RBFOX1: variants seen among roughly 807,000 people sequenced by gnomAD.
RBFOX1 encodes RNA binding fox-1 homolog 1.
RBFOX1 carries 8 observed loss-of-function variants against 57.7 expected under a neutral mutation model. The ratio of observed to expected loss-of-function variants is 0.14; its 90% CI spans 0.08 to 0.25. The LOEUF is 0.25. RBFOX1 is among the 10% of genes least tolerant of loss of function. The probability of loss-of-function intolerance (pLI) is 1.00; values close to 1 mark genes in which losing one functional copy is unlikely to be tolerated. For missense variants in RBFOX1, 611 were observed against 548.5 expected (o/e 1.11, Z -1.14); for synonymous variants, 326 against 222.4 (o/e 1.47, Z -4.15).
intron 3 of RBFOX1, among the ~76,000 whole-genome samples, chr16:5,699,194 G>A (rs991870790): frequency 6.6e-6 from 1 of 151,910 alleles, no homozygotes; most frequent in African/African-American, 2.4e-5. Context: ...CACCATATTG[G>A]CCAGGCTGGT....
intron 2 of RBFOX1, among the ~76,000 whole-genome samples, chr16:6,547,641 T>A (rs1347710431): frequency 6.6e-6 from 1 of 152,182 alleles, no homozygotes; most frequent in Non-Finnish European, 1.5e-5. Context: ...TACAGACTTC[T>A]AGAAATATAG....
intron 2 of RBFOX1, among the ~76,000 whole-genome samples, chr16:6,398,328 C>G (rs946724880): frequency 3.3e-5 from 5 of 152,118 alleles, no homozygotes; most frequent in Non-Finnish European, 7.3e-5. Context: ...ATCTCATGTC[C>G]TCACATTTAA....
intron 4 of RBFOX1, among the ~76,000 whole-genome samples, chr16:7,392,587 G>A (rs1267896572): frequency 6.6e-6 from 1 of 152,116 alleles, no homozygotes; most frequent in Non-Finnish European, 1.5e-5. Context: ...GTTTGTGATG[G>A]CCCCTCCTTC....
intron 2 of RBFOX1, among the ~76,000 whole-genome samples, chr16:5,529,759 G>T (rs1403942280): frequency 6.6e-6 from 1 of 151,964 alleles, no homozygotes; most frequent in Admixed American, 6.5e-5. Context: ...GTAGAAACGG[G>T]GTTTCACCAT....
At chr16:6,208,778 A>C (rs4786835) in intron 1 of RBFOX1, among the ~76,000 whole-genome samples, 64,137 of 152,010 alleles carry the variant, frequency 0.42, 13,774 homozygotes, top group East Asian at 0.72. Flanking sequence ...CAAACACTGC[A>C]TTCCCTTCCT....
chr16:6,643,102 C>A (rs1319571846), intron 2 of RBFOX1, among the ~76,000 whole-genome samples: 1 of 152,198 alleles, frequency 6.6e-6, no homozygotes, highest in East Asian at 1.9e-4. Context: ...CAAATGATCA[C>A]ATTCCTAGTA....
intron 3 of RBFOX1, among the ~76,000 whole-genome samples, chr16:5,624,827 A>AT (rs890503963): frequency 2.0e-5 from 3 of 152,212 alleles, no homozygotes; most frequent in African/African-American, 7.2e-5. Flanking sequence ...TTATGGCAGG[A>AT]TGGGGGGACA....
chr16:6,477,251 G>A (rs1201953051), intron 2 of RBFOX1, among the ~76,000 whole-genome samples: 2 of 152,134 alleles, frequency 1.3e-5, no homozygotes, highest in African/African-American at 4.8e-5. Context: ...ATATTTCAGT[G>A]TACTTTGCCC....
chr16:6,921,119 C>T lies in RBFOX1; in HGVS notation c.-15-130938C>T, dbSNP rs9921521. Among the ~76,000 whole-genome samples, 1,113 of 152,228 alleles carry T rather than the reference C, an allele frequency of 7.3e-3. 8 individuals carry two copies. The highest frequency in any genetic ancestry group is 0.025 in the African/African-American group (1,033 of 41,542). On this transcript the variant is annotated intron_variant, in intron 3 of 15. Coordinates refer to ENST00000550418, the MANE Select transcript of RBFOX1 (RefSeq NM_018723.4). The stretch of plus-strand genomic sequence containing the variant: ...AGCTTTGTGACCATTGATAAGTTTC[C>T]TAAACTCCCCCAGGCTGCCATCTCT...
chr16:7,597,304 C>T, intron 8 of RBFOX1, 67 bp from the exon 9 acceptor site: 2 of 1,160,846 alleles, frequency 1.7e-6, no homozygotes, highest in Non-Finnish European at 2.5e-6. Context: ...GGTCATAATG[C>T]ATGCAACTAA....
intron 4 of RBFOX1, among the ~76,000 whole-genome samples, chr16:5,978,635 A>C (rs2060113722): frequency 6.6e-6 from 1 of 151,918 alleles, no homozygotes; most frequent in African/African-American, 2.4e-5. Flanking sequence ...TGTTATGTGA[A>C]AAAGACTCAG....
At chr16:6,752,665 C>G (rs1175213352) in intron 3 of RBFOX1, among the ~76,000 whole-genome samples, 1 of 152,182 alleles carries the variant, frequency 6.6e-6, no homozygotes, top group Non-Finnish European at 1.5e-5. Flanking sequence ...CCGGTAATAA[C>G]TCTAACACAC....
At chr16:7,442,826 G>A (rs1166910709) in intron 4 of RBFOX1, among the ~76,000 whole-genome samples, 1 of 152,136 alleles carries the variant, frequency 6.6e-6, no homozygotes, top group Admixed American at 6.5e-5. Flanking sequence ...GTGGCTGGGT[G>A]ATTTGTTTTT....
chr16:7,373,387 A>G (rs1305292965), intron 4 of RBFOX1, among the ~76,000 whole-genome samples: 1 of 152,206 alleles, frequency 6.6e-6, no homozygotes, highest in Non-Finnish European at 1.5e-5. Context: ...TAAGAGGCAC[A>G]GTGATCCTGA....
intron 3 of RBFOX1, among the ~76,000 whole-genome samples, chr16:6,654,860 T>C (rs1389846329): frequency 6.8e-6 from 1 of 146,906 alleles, no homozygotes; most frequent in Non-Finnish European, 1.5e-5. Flanking sequence ...GGAGTGCATA[T>C]TGTAATTTTT....
At chr16:5,539,761 GA>G (rs1268126543) in intron 2 of RBFOX1, among the ~76,000 whole-genome samples, 2 of 152,134 alleles carry the variant, frequency 1.3e-5, no homozygotes, top group African/African-American at 4.8e-5. Context: ...CCATATGAAA[GA>G]AACTAAAATT....
chr16:6,113,611 A>T (rs2096468093), intron 1 of RBFOX1, among the ~76,000 whole-genome samples: 2 of 152,188 alleles, frequency 1.3e-5, no homozygotes, highest in African/African-American at 4.8e-5. Context: ...GAAGCCGTGA[A>T]GTCATGCTCT....
chr16:6,134,121 G>A (rs1436051106), intron 1 of RBFOX1, among the ~76,000 whole-genome samples: 1 of 151,884 alleles, frequency 6.6e-6, no homozygotes, highest in South Asian at 2.1e-4. Context: ...ATTTTTAGGA[G>A]AGACAGGGTT....
At chr16:6,320,888 G>C (rs893243175) in intron 2 of RBFOX1, among the ~76,000 whole-genome samples, 1 of 152,070 alleles carries the variant, frequency 6.6e-6, no homozygotes, top group Non-Finnish European at 1.5e-5. Context: ...TCACCTCCTG[G>C]GTTCAAGCGA....
Sources: gnomAD v4.1 joint callset for allele counts (sites outside exome capture counted in the v4.1 genomes callset) on GRCh38, gnomAD v4.1.1 for gene constraint, MANE v1.5 for transcripts, NCBI Gene and HGNC (gene_info 2026-07-23, HGNC 2026-07-21) for gene names.